CWC27: variants seen among roughly 807,000 people sequenced by gnomAD.
CWC27 encodes CWC27 spliceosome associated cyclophilin.
In CWC27, 47 loss-of-function variants were observed where a neutral mutation model predicts 63.6. The ratio of observed to expected loss-of-function variants is 0.74; its 90% confidence interval spans 0.58 to 0.94. CWC27 has a LOEUF of 0.94. Among genes scored for constraint, CWC27 ranks in the 40% least tolerant of loss-of-function variants. CWC27 has a pLI of 0.00. For missense variants in CWC27, 495 were observed against 554.3 expected (o/e 0.89, Z 1.07); for synonymous variants, 175 against 179.8 (o/e 0.97, Z 0.22).
chr5:64,986,785 G>A (rs1475831044), intron 13 of CWC27, among the ~76,000 whole-genome samples: 2 of 151,864 alleles, frequency 1.3e-5, no homozygotes, highest in East Asian at 3.9e-4. Flanking sequence ...ATTCCTACCA[G>A]TTTATGGCTC....
chr5:64,833,329 T>C (rs1478978265), intron 10 of CWC27, among the ~76,000 whole-genome samples: 1 of 151,790 alleles, frequency 6.6e-6, no homozygotes, highest in Non-Finnish European at 1.5e-5. Context: ...TCTTTCTGTA[T>C]TTTGTTTATA....
chr5:64,977,456 GT>G (rs1192306168), intron 13 of CWC27, among the ~76,000 whole-genome samples: 3 of 152,174 alleles, frequency 2.0e-5, no homozygotes, highest in Non-Finnish European at 4.4e-5. Context: ...CACTTGATGT[GT>G]CCGGCATTGT....
intron 11 of CWC27, among the ~76,000 whole-genome samples, chr5:64,929,840 C>T (rs1238673136): frequency 2.0e-5 from 3 of 151,284 alleles, no homozygotes; most frequent in Admixed American, 6.6e-5. Flanking sequence ...ATAAAATTAT[C>T]ATATGACCCA....
At chr5:65,002,705 A>G (rs537852380) in intron 13 of CWC27, among the ~76,000 whole-genome samples, 107 of 152,226 alleles carry the variant, frequency 7.0e-4, no homozygotes, top group African/African-American at 2.5e-3. Flanking sequence ...TTGTGGCTTC[A>G]ACTATGGTCT....
chr5:64,780,898 T>C (rs1743661585), intron 2 of CWC27, among the ~76,000 whole-genome samples: 1 of 152,108 alleles, frequency 6.6e-6, no homozygotes, highest in South Asian at 2.1e-4. Flanking sequence ...ATTGTGGTTT[T>C]GATTTGCATT....
intron 11 of CWC27, among the ~76,000 whole-genome samples, chr5:64,963,856 C>G (rs1748965228): frequency 6.6e-6 from 1 of 152,150 alleles, no homozygotes; most frequent in Admixed American, 6.5e-5. Context: ...CTCCAAAGAC[C>G]AAGAACTGGA....
intron 4 of CWC27, among the ~76,000 whole-genome samples, chr5:64,784,537 A>C (rs1743813772): frequency 6.6e-6 from 1 of 152,166 alleles, no homozygotes; most frequent in South Asian, 2.1e-4. Context: ...CTCCATTCTC[A>C]TAAATATGTT....
At chr5:64,807,933 C>A in intron 10 of CWC27, 1 of 1,429,188 alleles carries the variant, frequency 7.0e-7, no homozygotes, top group Non-Finnish European at 9.1e-7. Flanking sequence ...TATCATCTAG[C>A]TTCTCACCTA....
intron 10 of CWC27, among the ~76,000 whole-genome samples, chr5:64,876,189 A>G (rs1746790713): frequency 6.6e-6 from 1 of 152,104 alleles, no homozygotes; most frequent in Non-Finnish European, 1.5e-5. Flanking sequence ...AATATGGTGA[A>G]CCTACATCTC....
At chr5:64,887,946 G>A (rs1043735125) in intron 11 of CWC27, among the ~76,000 whole-genome samples, 15 of 152,086 alleles carry the variant, frequency 9.9e-5, no homozygotes, top group African/African-American at 3.6e-4. Flanking sequence ...ACAAAATACT[G>A]ATAATAAAAC....
intron 13 of CWC27, among the ~76,000 whole-genome samples, chr5:64,984,661 G>A (rs1749390948): frequency 6.6e-6 from 1 of 152,108 alleles, no homozygotes; most frequent in Non-Finnish European, 1.5e-5. Context: ...TTTTCTTACT[G>A]TTGAGTTTCA....
At chr5:64,927,673 T>G (rs952884889) in intron 11 of CWC27, among the ~76,000 whole-genome samples, 1 of 152,180 alleles carries the variant, frequency 6.6e-6, no homozygotes, top group Admixed American at 6.5e-5. Flanking sequence ...GCCTCACCCC[T>G]GCTCATTTCT....
chr5:64,800,213 TC>T (rs1388054858), intron 7 of CWC27, 34 bp from the exon 8 acceptor site: 1 of 1,371,082 alleles, frequency 7.3e-7, no homozygotes, highest in Non-Finnish European at 1.0e-6. Context: ...ACTGTTTATT[TC>T]CCCCCTCATG....
intron 10 of CWC27, chr5:64,804,661 A>C: frequency 3.8e-6 from 1 of 260,260 alleles, no homozygotes; most frequent in Non-Finnish European, 7.2e-6. Context: ...TAGGGTAATA[A>C]TGTATTAGCT....
chr5:65,000,098 C>T (rs532945224), intron 13 of CWC27, among the ~76,000 whole-genome samples: 1 of 152,158 alleles, frequency 6.6e-6, no homozygotes, highest in Admixed American at 6.5e-5. Flanking sequence ...GGATAGTGAA[C>T]ATTTTTCTAC....
chr5:64,868,732 G>A (rs1007455308), intron 10 of CWC27, among the ~76,000 whole-genome samples: 8 of 152,018 alleles, frequency 5.3e-5, no homozygotes, highest in Admixed American at 1.3e-4. Flanking sequence ...AGTTCATATA[G>A]CCAATAAAAC....
intron 11 of CWC27, among the ~76,000 whole-genome samples, chr5:64,886,163 G>C (rs1010921895): frequency 1.3e-5 from 2 of 151,832 alleles, no homozygotes; most frequent in African/African-American, 4.8e-5. Flanking sequence ...AGGTTAACTA[G>C]CTTCTTTGTT....
intron 10 of CWC27, among the ~76,000 whole-genome samples, chr5:64,854,346 A>G (rs1166755322): frequency 6.6e-6 from 1 of 152,218 alleles, no homozygotes; most frequent in African/African-American, 2.4e-5. Context: ...TCTGCTTTAA[A>G]TATTTTGAGG....
intron 10 of CWC27, among the ~76,000 whole-genome samples, chr5:64,828,408 C>T (rs75985940): frequency 0.029 from 4,349 of 152,020 alleles, 222 homozygotes; most frequent in African/African-American, 0.099. Flanking sequence ...TACCATAGTC[C>T]GGCTGGCTTA....
Sources: allele counts gnomAD v4.1 joint callset (sites outside exome capture counted in the v4.1 genomes callset), GRCh38; gene constraint gnomAD v4.1.1; transcripts MANE v1.5; gene names NCBI Gene and HGNC (gene_info 2026-07-23, HGNC 2026-07-21).